Variants in GPSM2 observed in about 807,000 individuals in gnomAD.
GPSM2 encodes G protein signaling modulator 2, also known as G protein-signaling modulator 2.
Under a neutral mutation model 78.4 loss-of-function variants are expected in GPSM2, and 58 were observed. The ratio of observed to expected loss-of-function variants is 0.74; its 90% CI spans 0.60 to 0.92. GPSM2 has a LOEUF of 0.92. Among genes scored for constraint, GPSM2 ranks in the 40% least tolerant of loss-of-function variants. The pLI, the probability that GPSM2 is intolerant of heterozygous loss-of-function variation, is 0.00. For synonymous variants in GPSM2, 224 were observed against 280.2 expected (o/e 0.80, Z 2.00); for missense variants, 700 against 815.5 (o/e 0.86, Z 1.73).
chr1:108,902,379 CAA>C (rs5776957), intron 8 of GPSM2, among the ~76,000 whole-genome samples: 63 of 76,782 alleles, frequency 8.2e-4, no homozygotes, highest in Admixed American at 1.2e-3. Context: ...GACTGCATCT[CAA>C]AAAAAAAAAA....
chr1:108,934,458 AAAGAG>A lies in GPSM2; in HGVS notation c.*4523_*4527del. ...TCTTACTTTATGGGATGTAAATATC[AAAGAG>A]AAGATGAAATGAAAAGCTTTTACAT... On this transcript the variant is annotated 3_prime_UTR_variant, in exon 15 of 15. Coordinates refer to ENST00000264126, the MANE Select transcript of GPSM2 (RefSeq NM_013296.5). 5.6e-6 allele frequency: 3 copies of A among 537,012 alleles called. No homozygotes were observed. Among genetic ancestry groups the A allele is most frequent in the Non-Finnish European group, 9.6e-6 (3 of 311,424 alleles). The allele number at this position is 537,012 out of a possible 1,614,324, so 33.3% of individuals were successfully genotyped here.
At chr1:108,909,466 C>T (rs923123564) in intron 10 of GPSM2, 1 of 152,090 alleles carries the variant, frequency 6.6e-6, no homozygotes, top group African/African-American at 2.4e-5. Context: ...AATCTGAAAA[C>T]ATAACATTTC....
chr1:108,887,678 T>C (rs79701816), intron 2 of GPSM2, among the ~76,000 whole-genome samples: 2 of 152,110 alleles, frequency 1.3e-5, no homozygotes, highest in African/African-American at 4.8e-5. Context: ...GACCTTCCTA[T>C]TGCACCCTTC....
chr1:108,884,512 T>C (rs1647380917), intron 1 of GPSM2, among the ~76,000 whole-genome samples: 1 of 152,204 alleles, frequency 6.6e-6, no homozygotes, highest in African/African-American at 2.4e-5. Flanking sequence ...AGCAAAATCA[T>C]ATAAAACTAA....
rs1557889147 is a variant in GPSM2 at position 108,933,811 on chromosome 1, A to G, written c.*3871A>G. The G allele has an allele frequency of 6.6e-6, 1 of 152,198 alleles. No homozygotes were observed. Among genetic ancestry groups the G allele is most frequent in the Non-Finnish European group, 1.5e-5 (1 of 68,036 alleles). 9.4% of individuals were successfully genotyped at this position (152,198 alleles called of 1,614,324 possible). On this transcript the variant is annotated 3_prime_UTR_variant, in exon 15 of 15. Coordinates refer to ENST00000264126, the MANE Select transcript of GPSM2 (RefSeq NM_013296.5). ...ACACCCAACTCTCTTCTTCCTCATC[A>G]TGGTATTCTCTATGTATAGATCTCT...
At position 108,903,150 on chromosome 1, in the gene GPSM2, G is replaced by A. The variant is rs1261895927; in HGVS notation, c.978G>A (p.Trp326Ter). 6.2e-7 allele frequency: 1 copy of A among 1,606,656 alleles called. No individual in the cohort carries two copies. The highest frequency in any genetic ancestry group is 8.5e-7 in the Non-Finnish European group (1 of 1,173,504). ...NDRIGEGRAC[W>*]SLGNAYTALG... The stretch of plus-strand genomic sequence containing the variant: ...GAATTGGTGAAGGAAGAGCATGTTG[G>A]AGCTTAGGAAATGCATACACAGCAC... Residue 326 changes from tryptophan to a stop codon, truncating the protein, a stop_gained, in exon 9 of 15, where the codon TGG (tryptophan) becomes TGA (stop). Transcript: ENST00000264126. LOFTEE classifies it high-confidence loss of function.
chr1:108,915,459 G>A (rs1246555834), intron 11 of GPSM2, among the ~76,000 whole-genome samples: 2 of 146,480 alleles, frequency 1.4e-5, no homozygotes, highest in Admixed American at 6.9e-5. Context: ...ACGGAGTCTC[G>A]CTCTTTGGCC....
intron 11 of GPSM2, 51 bp downstream of exon 11, chr1:108,914,459 T>G (rs748377236): frequency 5.3e-5 from 64 of 1,200,898 alleles, no homozygotes; most frequent in Non-Finnish European, 7.4e-5. Flanking sequence ...ATAAAATGTT[T>G]TAGTAATTTT....
At chr1:108,897,844 AG>A in intron 4 of GPSM2, 114 bp from the exon 5 acceptor site, 3 of 1,040,294 alleles carry the variant, frequency 2.9e-6, no homozygotes, top group Admixed American at 2.0e-5. Context: ...TTCTGTATGG[AG>A]AGCCAATATA....
In GPSM2 at chr1:108,929,749, A is replaced by G; in HGVS notation, c.1864A>G (p.Lys622Glu). The G allele has an allele frequency of 6.2e-7, 1 of 1,613,390 alleles. No individual in the cohort carries two copies. Among genetic ancestry groups the G allele is most frequent in the South Asian group, 1.1e-5 (1 of 91,054 alleles). ...QRCAPPPATT[K>E]GPTVPDEDFF... ...ATGTGCTCCACCACCTGCTACCACA[A>G]AGGGTCCGACAGTACCAGATGAAGA... Residue 622 changes from lysine (K) to glutamate (E), a missense_variant, in exon 15 of 15, where the codon AAG (lysine) becomes GAG (glutamate). Coordinates refer to ENST00000264126, the MANE Select transcript of GPSM2 (RefSeq NM_013296.5).
chr1:108,914,164 T>C (rs1389241672), intron 10 of GPSM2, among the ~76,000 whole-genome samples, 174 bp from the exon 11 acceptor site: 2 of 152,212 alleles, frequency 1.3e-5, no homozygotes, highest in Admixed American at 1.3e-4. Flanking sequence ...TATATTCTAT[T>C]TTTGTGTAGC....
At chr1:108,911,820 T>TTTC (rs1649769002) in intron 10 of GPSM2, among the ~76,000 whole-genome samples, 1 of 149,846 alleles carries the variant, frequency 6.7e-6, no homozygotes, top group Non-Finnish European at 1.5e-5. Flanking sequence ...TTTTTTTTTT[T>TTTC]TTTAAAGACA....
chr1:108,898,621 T>C, intron 5 of GPSM2, 21 bp from the exon 6 acceptor site: 2 of 1,612,542 alleles, frequency 1.2e-6, no homozygotes, highest in Non-Finnish European at 1.7e-6. Flanking sequence ...TATTTTTTCA[T>C]CACTTTTTGC....
intron 10 of GPSM2, among the ~76,000 whole-genome samples, chr1:108,904,746 T>A (rs1191506619): frequency 6.6e-6 from 1 of 152,074 alleles, no homozygotes; most frequent in Non-Finnish European, 1.5e-5. Context: ...ATACTCTCTT[T>A]ATTTTTCTTT....
chr1:108,908,728 A>ACACACACACAC (rs1649461870), intron 10 of GPSM2, among the ~76,000 whole-genome samples: 12 of 148,352 alleles, frequency 8.1e-5, no homozygotes, highest in African/African-American at 3.1e-4. Flanking sequence ...TCAAAACACA[A>ACACACACACAC]ACACACACAC....
Position 108,914,511 on chromosome 1 carries a change from G to C in GPSM2, c.1263+103G>C, listed in dbSNP as rs189548193. 1.5e-4 allele frequency: 124 copies of C among 840,186 alleles called. No homozygotes were observed. In the African/African-American group the frequency reaches 1.9e-3, roughly 13 times the overall value. The allele number at this position is 840,186 out of a possible 1,614,324, so 52.0% of individuals were successfully genotyped here. A position where few individuals can be genotyped will look rare whatever the true frequency, so the allele number is the denominator to read the frequency against. On this transcript the variant is annotated intron_variant, in intron 11 of 14. Coordinates refer to ENST00000264126, the MANE Select transcript of GPSM2 (RefSeq NM_013296.5). ...TTTAAATAAGGCTTGCCCTATATAGGTATCACTTTAAAATTTGCCTGTAAA... is the reference window on the plus strand; with the variant it reads ...TTTAAATAAGGCTTGCCCTATATAGCTATCACTTTAAAATTTGCCTGTAAA...
In GPSM2 at chr1:108,933,732, A is replaced by G. The variant is rs1652390154; in HGVS notation, c.*3792A>G. On this transcript the variant is annotated 3_prime_UTR_variant, in exon 15 of 15. Coordinates refer to ENST00000264126, the MANE Select transcript of GPSM2 (RefSeq NM_013296.5). ...TTTAAAATGAGGAATGCTTTTGATA[A>G]TCAGAAAGACTAATGTAAAGTGCTG... The G allele has an allele frequency of 6.6e-6, 1 of 152,246 alleles. No homozygotes were observed. The highest frequency in any genetic ancestry group is 6.5e-5 in the Admixed American group (1 of 15,284). The allele number at this position is 152,246 out of a possible 1,614,324, so 9.4% of individuals were successfully genotyped here.
chr1:108,924,434 C>T (rs1650975412), intron 14 of GPSM2: 2 of 593,164 alleles, frequency 3.4e-6, no homozygotes, highest in South Asian at 1.9e-5. Context: ...TTAGGAGAGA[C>T]GTGTGTGTGT....
In GPSM2 at chr1:108,924,223, G is replaced by A. The variant is rs1650959681; in HGVS notation, c.1815+9G>A. ...TCCTTGTAAAATGTCAAGTATGTCTGTATATTTTTTTCGTTCTGCATACAG... is the reference window on the plus strand; with the variant it reads ...TCCTTGTAAAATGTCAAGTATGTCTATATATTTTTTTCGTTCTGCATACAG... On this transcript the variant is annotated intron_variant, in intron 14 of 14. Transcript: ENST00000264126. 6 of 1,581,166 alleles carry A rather than the reference G, an allele frequency of 3.8e-6. No individual in the cohort carries two copies. Among genetic ancestry groups the A allele is most frequent in the Non-Finnish European group, 5.2e-6 (6 of 1,150,272 alleles).
Sources: gnomAD v4.1 joint callset for allele counts (sites outside exome capture counted in the v4.1 genomes callset) on GRCh38, gnomAD v4.1.1 for gene constraint, MANE v1.5 for transcripts, NCBI Gene and HGNC (gene_info 2026-07-23, HGNC 2026-07-21) for gene names.